Variants in DHRSX observed in about 807,000 individuals in gnomAD.
DHRSX encodes polyprenol dehydrogenase.
Under a neutral mutation model 34.0 loss-of-function variants are expected in DHRSX, and 31 were observed. That is an observed-to-expected ratio of 0.91 (90% confidence interval 0.69 to 1.23). The LOEUF (loss-of-function observed/expected upper bound fraction) is 1.23. Ranked by LOEUF, DHRSX falls within the 50% of genes most tolerant of loss-of-function variation. The probability of loss-of-function intolerance (pLI) is 0.00; values close to 1 mark genes in which losing one functional copy is unlikely to be tolerated. For synonymous variants in DHRSX, 201 were observed against 183.8 expected, an observed-to-expected ratio of 1.09 and a Z score of -0.76; for missense variants, 414 against 428.1, an observed-to-expected ratio of 0.97 and a Z score of 0.29.
At chrX:2,253,670 G>A (rs1242307590) in intron 5 of DHRSX, among the ~76,000 whole-genome samples, 7 of 152,228 alleles carry the variant, frequency 4.6e-5, no homozygotes, top group Non-Finnish European at 1.0e-4. Context: ...TACTAAATCT[G>A]GACCTTATAA....
chrX:2,353,298 G>A (rs1023250378), intron 3 of DHRSX, among the ~76,000 whole-genome samples: 3 of 152,080 alleles, frequency 2.0e-5, no homozygotes, highest in African/African-American at 7.2e-5. Flanking sequence ...TATGTCAGTA[G>A]AAGAAACCTT....
intron 3 of DHRSX, among the ~76,000 whole-genome samples, chrX:2,304,224 GATGGATGGATGGATGGATAA>G (rs2042069405): frequency 1.5e-5 from 2 of 132,854 alleles, no homozygotes; most frequent in Non-Finnish European, 1.6e-5. Flanking sequence ...TGGATGGATG[GATGGATGGATGGATGGATAA>G]ATGGATGGAT....
At chrX:2,248,607 C>A in intron 5 of DHRSX, among the ~76,000 whole-genome samples, 1 of 56,658 alleles carries the variant, frequency 1.8e-5, no homozygotes, top group Non-Finnish European at 3.1e-5. Context: ...GAGCAAGACT[C>A]TGTCTCAAAA....
At chrX:2,468,162 G>A (rs1056349224) in intron 1 of DHRSX, among the ~76,000 whole-genome samples, 10 of 152,098 alleles carry the variant, frequency 6.6e-5, no homozygotes, top group Admixed American at 2.6e-4. Context: ...CCAGAAATCC[G>A]AAGATTCAGG....
chrX:2,488,819 T>C (rs1454566281), intron 1 of DHRSX: 1 of 1,613,886 alleles, frequency 6.2e-7, no homozygotes, highest in Admixed American at 1.7e-5. Context: ...AGCCAGCCGG[T>C]TCCTCTTGGC....
At chrX:2,374,096 C>T (rs1201134435) in intron 3 of DHRSX, among the ~76,000 whole-genome samples, 1 of 152,164 alleles carries the variant, frequency 6.6e-6, no homozygotes, top group Non-Finnish European at 1.5e-5. Context: ...CTACCACCCT[C>T]ATGTGATTAG....
chrX:2,373,877 C>T (rs1331716477), intron 3 of DHRSX, among the ~76,000 whole-genome samples: 2 of 151,960 alleles, frequency 1.3e-5, no homozygotes. Flanking sequence ...GGAGGGTTAT[C>T]CAAAATAGGG....
chrX:2,346,272 T>C (rs1337799158), intron 3 of DHRSX, among the ~76,000 whole-genome samples: 1 of 152,082 alleles, frequency 6.6e-6, no homozygotes, highest in Non-Finnish European at 1.5e-5. Context: ...TTATGTACCA[T>C]CTTCCCCTGA....
chrX:2,500,751 CG>C, intron 1 of DHRSX, 65 bp downstream of exon 1: 37 of 809,750 alleles, frequency 4.6e-5, no homozygotes, highest in Non-Finnish European at 5.3e-5. Context: ...CCCGCGCCCC[CG>C]CCCCCGAGCC....
At chrX:2,498,868 C>CT (rs1211540907) in intron 1 of DHRSX, among the ~76,000 whole-genome samples, 6 of 152,280 alleles carry the variant, frequency 3.9e-5, no homozygotes, top group Non-Finnish European at 5.9e-5. Flanking sequence ...CAACTGATTA[C>CT]TTACTTCAAA....
At chrX:2,225,022 G>GCACACAGCTCACATT in intron 6 of DHRSX, among the ~76,000 whole-genome samples, 1 of 145,384 alleles carries the variant, frequency 6.9e-6, no homozygotes, top group African/African-American at 2.6e-5. Context: ...TCATTCACAT[G>GCACACAGCTCACATT]CACACAGCTC....
intron 5 of DHRSX, among the ~76,000 whole-genome samples, chrX:2,265,128 C>A (rs371048570): frequency 8.9e-5 from 12 of 134,702 alleles, no homozygotes; most frequent in Admixed American, 5.8e-4. Context: ...GCTCAGCAGA[C>A]GCAGGGAGCA....
rs754840218 is a variant in DHRSX, at chrX:2,275,488, G to A, written c.389-8541C>T. On this transcript the variant is annotated intron_variant, in intron 4 of 6. Transcript: ENST00000334651. Reference sequence around the variant, plus strand: ...CGTGCACTGCACTCCAGCCCCGGCCGACAACAGCGAGACTATGTTTCAAAA... The same window carrying A: ...CGTGCACTGCACTCCAGCCCCGGCCAACAACAGCGAGACTATGTTTCAAAA... Among the ~76,000 whole-genome samples, 14 of 145,546 alleles carry A rather than the reference G, an allele frequency of 9.6e-5. No homozygotes were observed. The South Asian group carries it at 1.3e-3, about 14-fold the overall frequency.
intron 4 of DHRSX, among the ~76,000 whole-genome samples, chrX:2,288,369 G>A (rs756204401): frequency 2.6e-5 from 4 of 152,272 alleles, no homozygotes; most frequent in Non-Finnish European, 5.9e-5. Context: ...CCGAGTAGCT[G>A]GGATTACAGG....
chrX:2,313,270 T>C (rs922036492), intron 3 of DHRSX, among the ~76,000 whole-genome samples: 1 of 151,742 alleles, frequency 6.6e-6, no homozygotes, highest in African/African-American at 2.4e-5. Context: ...AGCCTACAAA[T>C]GTGCTGGGAT....
chrX:2,394,664 G>A (rs1267193075), intron 3 of DHRSX, among the ~76,000 whole-genome samples: 4 of 152,102 alleles, frequency 2.6e-5, no homozygotes, highest in African/African-American at 7.2e-5. Flanking sequence ...TCAAGAGATC[G>A]AGACCGTCCT....
chrX:2,489,391 C>A, intron 1 of DHRSX: 1 of 1,613,956 alleles, frequency 6.2e-7, no homozygotes, highest in African/African-American at 1.3e-5. Flanking sequence ...CCATGCTGAG[C>A]TCCTTGGAGT....
intron 3 of DHRSX, among the ~76,000 whole-genome samples, chrX:2,345,717 T>C (rs1035178679): frequency 6.6e-6 from 1 of 150,892 alleles, no homozygotes; most frequent in Non-Finnish European, 1.5e-5. Flanking sequence ...GTCCTTCCTA[T>C]GGTGGGTGGG....
intron 2 of DHRSX, among the ~76,000 whole-genome samples, chrX:2,410,665 A>G (rs1347763661): frequency 2.6e-5 from 4 of 152,218 alleles, no homozygotes; most frequent in Non-Finnish European, 5.9e-5. Flanking sequence ...GGGCTCCCAA[A>G]TTAACTATTA....
Sources: gnomAD v4.1 joint callset for allele counts (sites outside exome capture counted in the v4.1 genomes callset) on GRCh38, gnomAD v4.1.1 for gene constraint, MANE v1.5 for transcripts, NCBI Gene and HGNC (gene_info 2026-07-23, HGNC 2026-07-21) for gene names.